The following SPINT1 variants were observed in gnomAD, a reference collection of about 807,000 sequenced individuals.
SPINT1 encodes the protein kunitz-type protease inhibitor 1.
SPINT1 carries 38 observed loss-of-function variants against 53.7 expected under a neutral mutation model. The observed-to-expected ratio is 0.71, with a 90% CI of 0.55 to 0.93. SPINT1 has a LOEUF of 0.93. SPINT1 is among the 40% of genes least tolerant of loss of function. The pLI is 0.00. For synonymous variants in SPINT1, 283 were observed against 280.6 expected (o/e 1.01, Z -0.08); for missense variants, 645 against 692.9 (o/e 0.93, Z 0.78).
intron 2 of SPINT1, among the ~76,000 whole-genome samples, chr15:40,848,733 A>G (rs1196705544): frequency 6.6e-6 from 1 of 152,204 alleles, no homozygotes; most frequent in Non-Finnish European, 1.5e-5. Context: ...TCACTATGGA[A>G]TGATTTCCAA....
At chr15:40,853,095 G>T (rs1891510793) in intron 2 of SPINT1, 29 bp from the exon 3 acceptor site, 2 of 1,609,520 alleles carry the variant, frequency 1.2e-6, no homozygotes, top group South Asian at 2.2e-5. Flanking sequence ...AGTGAGAATT[G>T]ACCTTATCTC....
chr15:40,854,199 G>C, intron 6 of SPINT1, 113 bp downstream of exon 6: 1 of 1,391,206 alleles, frequency 7.2e-7, no homozygotes, highest in Admixed American at 2.3e-5. Flanking sequence ...CTCAGAGTTT[G>C]TGGAAGGACC....
At chr15:40,845,596 G>A (rs1185454808) in intron 2 of SPINT1, among the ~76,000 whole-genome samples, 1 of 152,166 alleles carries the variant, frequency 6.6e-6, no homozygotes, top group East Asian at 1.9e-4. Flanking sequence ...AGTAGGGAGG[G>A]CAGGGCCCAG....
chr15:40,849,773 A>G (rs1168783582), intron 2 of SPINT1, among the ~76,000 whole-genome samples: 2 of 152,206 alleles, frequency 1.3e-5, no homozygotes, highest in Non-Finnish European at 2.9e-5. Context: ...TTCTGGTGTC[A>G]ACTTTCTCAT....
chr15:40,856,246 T>C, intron 9 of SPINT1, 30 bp from the exon 10 acceptor site: 1 of 1,614,036 alleles, frequency 6.2e-7, no homozygotes, highest in Non-Finnish European at 8.5e-7. Context: ...CCCTCAGTAC[T>C]GACTGGTCTT....
chr15:40,857,208 AC>A lies in SPINT1; in HGVS notation c.*235del. ...GGGCCAGAAGTACCAGACTAGATGG[AC>A]CTGCCTGCATAGGAGTTTGGAGGAA... On this transcript the variant is annotated 3_prime_UTR_variant, in exon 11 of 11. Transcript: ENST00000562057. The A allele has an allele frequency of 1.7e-6, 1 of 596,778 alleles. No individual in the cohort carries two copies. The highest frequency in any genetic ancestry group is 2.9e-6 in the Non-Finnish European group (1 of 343,206). 37.0% of individuals were successfully genotyped at this position (596,778 alleles called of 1,614,324 possible).
chr15:40,847,504 C>T (rs117454282), intron 2 of SPINT1, among the ~76,000 whole-genome samples: 2,014 of 152,272 alleles, frequency 0.013, 29 homozygotes, highest in Non-Finnish European at 0.022. Context: ...CAGCTGGAGG[C>T]GGAGCAGCTT....
Position 40,844,644 on chromosome 15 carries a change from C to T in SPINT1, c.90C>T (p.Leu30=), listed in dbSNP as rs750594103. ...VALWLLCTLG[L]QGTQAGPPPA... is the part of the protein sequence containing the mutation. ...TGTGGCTTCTGTGCACGCTCGGCCTCCAGGGCACCCAGGCCGGGCCACCGC... is the reference window on the plus strand; with the variant it reads ...TGTGGCTTCTGTGCACGCTCGGCCTTCAGGGCACCCAGGCCGGGCCACCGC... The change falls in exon 2 of 11, where the codon CTC becomes CTT. Residue 30 remains leucine (L), a synonymous_variant. Transcript: ENST00000562057. This position sits in a 1 kb window ranked among gnomAD's most constrained non-coding sequence, Gnocchi z 5.8. The T allele has an allele frequency of 1.6e-5, 25 of 1,605,720 alleles. No individual in the cohort carries two copies. The East Asian group carries it at 5.4e-4, about 35-fold the overall frequency.
chr15:40,848,015 A>T (rs1347555447), intron 2 of SPINT1, among the ~76,000 whole-genome samples: 1 of 152,136 alleles, frequency 6.6e-6, no homozygotes, highest in African/African-American at 2.4e-5. Context: ...CCAGACAGCC[A>T]CTTTTCGTTC....
intron 6 of SPINT1, 106 bp from the exon 7 acceptor site, chr15:40,854,291 A>G (rs761559736): frequency 6.7e-7 from 1 of 1,484,352 alleles, no homozygotes; most frequent in Non-Finnish European, 9.0e-7. Flanking sequence ...GGGTTGGTGG[A>G]AAGGGAATGG....
intron 8 of SPINT1, 46 bp from the exon 9 acceptor site, chr15:40,855,846 G>A (rs1258138706): frequency 1.9e-6 from 3 of 1,575,438 alleles, no homozygotes; most frequent in Non-Finnish European, 2.6e-6. Context: ...GAAGGTGGCA[G>A]GGAGGCCATG....
At chr15:40,856,356 G>A in intron 10 of SPINT1, 33 bp downstream of exon 10, 3 of 1,613,792 alleles carry the variant, frequency 1.9e-6, no homozygotes, top group South Asian at 1.1e-5. Flanking sequence ...ACTGAGGTTA[G>A]CATGTAGGTA....
At chr15:40,845,212 A>G (rs536804732) in intron 2 of SPINT1, among the ~76,000 whole-genome samples, 183 bp downstream of exon 2, 30 of 151,542 alleles carry the variant, frequency 2.0e-4, no homozygotes, top group East Asian at 7.8e-4. Flanking sequence ...CAATGGCGCA[A>G]TCTCTGGTTG....
chr15:40,850,189 C>T (rs1891417099), intron 2 of SPINT1, among the ~76,000 whole-genome samples: 1 of 152,244 alleles, frequency 6.6e-6, no homozygotes, highest in South Asian at 2.1e-4. Flanking sequence ...TCTCCTGCCT[C>T]AGCCTCCCGA....
chr15:40,854,946 T>C (rs1596154264), intron 8 of SPINT1, among the ~76,000 whole-genome samples: 1 of 152,352 alleles, frequency 6.6e-6, no homozygotes, highest in Middle Eastern at 3.4e-3. Flanking sequence ...CCACCACATA[T>C]TGCTCAGATC....
intron 2 of SPINT1, among the ~76,000 whole-genome samples, chr15:40,852,880 A>C (rs1330299907): frequency 6.6e-6 from 1 of 152,038 alleles, no homozygotes; most frequent in Non-Finnish European, 1.5e-5. Flanking sequence ...CTAATAAAAA[A>C]AAAAAAAAGG....
In SPINT1 at chr15:40,853,183, CT is replaced by C. The variant is rs759250856; in HGVS notation, c.536del (p.Leu179ArgfsTer3). The C allele has an allele frequency of 6.2e-7, 1 of 1,614,192 alleles. No individual in the cohort carries two copies. The highest frequency in any genetic ancestry group is 8.5e-7 in the Non-Finnish European group (1 of 1,180,022). ...IDLKVQPQEP[L>X]VLKDVENTDW... ...CTTGAAGGTACAACCCCAGGAACCC[CT>C]GGTGCTGAAGGATGTGGAAAACACA... On this transcript the variant is annotated frameshift_variant, in exon 3 of 11. Coordinates refer to ENST00000562057, the MANE Select transcript of SPINT1 (RefSeq NM_003710.4). LOFTEE classifies it high-confidence loss of function.
chr15:40,844,381 G>T lies in SPINT1; in HGVS notation c.-65-109G>T. 1 of 740,354 alleles carries T rather than the reference G, an allele frequency of 1.4e-6. No individual in the cohort carries two copies. The highest frequency in any genetic ancestry group is 2.3e-6 in the Non-Finnish European group (1 of 427,140). 45.9% of individuals were successfully genotyped at this position (740,354 alleles called of 1,614,324 possible). ...CCCGTGCGCCCTCTTCGATCCTGGG[G>T]TGCTCCGGTCCCTCCTCCCCGCCAC... On this transcript the variant is annotated intron_variant, in intron 1 of 10. Coordinates refer to ENST00000562057, the MANE Select transcript of SPINT1 (RefSeq NM_003710.4). This position sits in a 1 kb window ranked among gnomAD's most constrained non-coding sequence, Gnocchi z 5.8.
intron 2 of SPINT1, among the ~76,000 whole-genome samples, chr15:40,851,406 C>T (rs971054229): frequency 1.3e-5 from 2 of 152,146 alleles, no homozygotes; most frequent in South Asian, 2.1e-4. Context: ...CCGCCTTGGC[C>T]GCCCAAAGTG....
Sources: allele counts gnomAD v4.1 joint callset (sites outside exome capture counted in the v4.1 genomes callset), GRCh38; gene constraint gnomAD v4.1.1; non-coding constraint Gnocchi (gnomAD v3.1); transcripts MANE v1.5; gene names NCBI Gene and HGNC (gene_info 2026-07-23, HGNC 2026-07-21).